The following RASSF8 variants were observed in gnomAD, a reference collection of about 807,000 sequenced individuals.
RASSF8 encodes the protein ras association domain-containing protein 8.
In RASSF8, 22 loss-of-function variants were observed where a neutral mutation model predicts 48.5. That is an observed-to-expected ratio of 0.45 (90% CI 0.32 to 0.65). RASSF8 has a LOEUF of 0.65. RASSF8 is among the 30% of genes least tolerant of loss of function. The pLI, the probability that RASSF8 is intolerant of heterozygous loss-of-function variation, is 0.03. For synonymous variants in RASSF8, 127 were observed against 171.5 expected (o/e 0.74, Z 2.03); for missense variants, 418 against 489.2 (o/e 0.85, Z 1.37).
At chr12:25,986,561 T>C (rs185908022) in intron 1 of RASSF8, among the ~76,000 whole-genome samples, 81 of 152,326 alleles carry the variant, frequency 5.3e-4, no homozygotes, top group African/African-American at 1.9e-3. Context: ...GCCTATGATG[T>C]GCAGGCTGCT....
intron 2 of RASSF8, among the ~76,000 whole-genome samples, chr12:26,024,021 A>G (rs1409330345): frequency 1.3e-5 from 2 of 152,258 alleles, no homozygotes; most frequent in East Asian, 3.8e-4. Context: ...TGATAGTCAA[A>G]TAATTCTACA....
At chr12:25,997,139 A>G (rs558381074) in intron 2 of RASSF8, among the ~76,000 whole-genome samples, 10 of 152,302 alleles carry the variant, frequency 6.6e-5, no homozygotes, top group Non-Finnish European at 1.0e-4. Context: ...GCTGTGTGAA[A>G]AGAAAGTTTA....
intron 1 of RASSF8, among the ~76,000 whole-genome samples, chr12:25,972,046 C>G (rs899674715): frequency 6.6e-6 from 1 of 152,190 alleles, no homozygotes; most frequent in Non-Finnish European, 1.5e-5. Flanking sequence ...CACAGCTAGT[C>G]GTTGAGTGAA....
intron 2 of RASSF8, among the ~76,000 whole-genome samples, chr12:26,013,985 G>A (rs534953532): frequency 6.6e-6 from 1 of 152,232 alleles, no homozygotes; most frequent in South Asian, 2.1e-4. Context: ...TTTATATTTT[G>A]TGGACAAAAC....
chr12:26,027,486 T>C (rs570232427), intron 2 of RASSF8, among the ~76,000 whole-genome samples: 1 of 152,330 alleles, frequency 6.6e-6, no homozygotes, highest in Admixed American at 6.5e-5. Context: ...ATAAAAATAT[T>C]GGCAGATGAA....
intron 2 of RASSF8, among the ~76,000 whole-genome samples, chr12:26,050,078 C>T (rs1316219550): frequency 6.6e-6 from 1 of 152,198 alleles, no homozygotes; most frequent in Non-Finnish European, 1.5e-5. Context: ...CCACCACGCC[C>T]AGCCAAAGAC....
chr12:26,025,108 A>G (rs1434005653), intron 2 of RASSF8, among the ~76,000 whole-genome samples: 3 of 152,266 alleles, frequency 2.0e-5, no homozygotes, highest in Non-Finnish European at 4.4e-5. Context: ...GAACTTTGTC[A>G]ACCTGATGAA....
intron 2 of RASSF8, chr12:26,020,574 A>G (rs1942764568): frequency 6.6e-6 from 1 of 152,208 alleles, no homozygotes; most frequent in South Asian, 2.1e-4. Context: ...AGGTAATGAG[A>G]CATGAGCTGA....
intron 2 of RASSF8, among the ~76,000 whole-genome samples, chr12:26,015,795 G>GT (rs1047110802): frequency 7.9e-5 from 12 of 151,948 alleles, no homozygotes; most frequent in South Asian, 2.1e-4. Context: ...CATTAGCAAT[G>GT]TTTTTTTTCA....
chr12:26,055,148 G>A, intron 2 of RASSF8, 88 bp from the exon 3 acceptor site: 1 of 569,570 alleles, frequency 1.8e-6, no homozygotes. Context: ...ATTATGATAT[G>A]TTAAAATTTG....
intron 2 of RASSF8, among the ~76,000 whole-genome samples, chr12:26,022,476 G>T (rs1296219997): frequency 1.3e-5 from 2 of 152,128 alleles, no homozygotes; most frequent in African/African-American, 4.8e-5. Context: ...AAACAGGAAA[G>T]TGTGCCCCAT....
intron 1 of RASSF8, among the ~76,000 whole-genome samples, chr12:25,974,166 A>AT (rs576197295): frequency 6.6e-6 from 1 of 151,684 alleles, no homozygotes; most frequent in African/African-American, 2.4e-5. Context: ...ATGGAGTGTA[A>AT]TTTTTTTCCC....
chr12:26,011,402 G>A (rs1325827563), intron 2 of RASSF8, among the ~76,000 whole-genome samples: 2 of 152,112 alleles, frequency 1.3e-5, no homozygotes, highest in Admixed American at 1.3e-4. Context: ...TTCCTGACGA[G>A]CAGTATTATT....
intron 2 of RASSF8, among the ~76,000 whole-genome samples, chr12:26,002,011 C>T (rs931820290): frequency 3.3e-5 from 5 of 152,192 alleles, no homozygotes; most frequent in Admixed American, 1.3e-4. Context: ...ATGGCTACGC[C>T]GTCACTAGGC....
chr12:25,997,016 A>G (rs1942149729), intron 2 of RASSF8, among the ~76,000 whole-genome samples: 1 of 152,190 alleles, frequency 6.6e-6, no homozygotes, highest in African/African-American at 2.4e-5. Context: ...ATAGCTTTCT[A>G]CTAAATTACA....
chr12:25,987,840 G>T (rs534331561), intron 1 of RASSF8, among the ~76,000 whole-genome samples: 11 of 151,832 alleles, frequency 7.2e-5, no homozygotes, highest in South Asian at 4.2e-4. Context: ...TTAATTTTTG[G>T]TTTTTTATTA....
At chr12:26,061,283 T>G (rs1057483613) in intron 3 of RASSF8, among the ~76,000 whole-genome samples, 6 of 152,164 alleles carry the variant, frequency 3.9e-5, no homozygotes, top group Non-Finnish European at 7.4e-5. Flanking sequence ...ACTTTATAGT[T>G]GTGTATTCTG....
downstream of RASSF8, among the ~76,000 whole-genome samples, chr12:26,074,759 C>T (rs1944057201): frequency 6.6e-6 from 1 of 152,040 alleles, no homozygotes; most frequent in African/African-American, 2.4e-5. Context: ...TACCCCAACC[C>T]AGTGTGTTGG....
chr12:25,982,890 C>T (rs1941777295), intron 1 of RASSF8, among the ~76,000 whole-genome samples: 1 of 152,212 alleles, frequency 6.6e-6, no homozygotes, highest in African/African-American at 2.4e-5. Flanking sequence ...TGGAGGTTTT[C>T]AGTTCTAATT....
Sources: gnomAD v4.1 joint callset for allele counts (sites outside exome capture counted in the v4.1 genomes callset) on GRCh38, gnomAD v4.1.1 for gene constraint, MANE v1.5 for transcripts, NCBI Gene and HGNC (gene_info 2026-07-23, HGNC 2026-07-21) for gene names.